Variants in ADGRL4 observed in about 807,000 individuals in gnomAD.
ADGRL4 encodes EGF, latrophilin and seven transmembrane domain containing 1.
In ADGRL4, 90 loss-of-function variants were observed where a neutral mutation model predicts 74.8. That is an observed-to-expected ratio of 1.20 (90% CI 1.02 to 1.43). ADGRL4 has a LOEUF of 1.43. ADGRL4 is among the 40% of genes most tolerant of loss of function. The pLI, the probability that ADGRL4 is intolerant of heterozygous loss-of-function variation, is 0.00. For synonymous variants in ADGRL4, 311 were observed against 279.2 expected, an observed-to-expected ratio of 1.11 and a Z score of -1.14; for missense variants, 881 against 814.3, an observed-to-expected ratio of 1.08 and a Z score of -1.00.
intron 12 of ADGRL4, among the ~76,000 whole-genome samples, chr1:78,913,725 C>T (rs764066226): frequency 1.1e-4 from 17 of 151,698 alleles, no homozygotes; most frequent in East Asian, 1.9e-4. Context: ...ATCCGCATGA[C>T]GCAAGTTTAC....
intron 12 of ADGRL4, among the ~76,000 whole-genome samples, chr1:78,894,158 A>G (rs950881096): frequency 3.9e-5 from 6 of 151,910 alleles, no homozygotes; most frequent in Non-Finnish European, 8.8e-5. Context: ...TCTACTAGTA[A>G]TTCAGAAGCT....
In ADGRL4 at chr1:78,915,462, C is replaced by G. The variant is rs146011095; in HGVS notation, c.1749+2172G>C. Among the ~76,000 whole-genome samples the G allele has an allele frequency of 2.8e-3, 425 of 152,022 alleles. 2 individuals carry two copies. Among genetic ancestry groups the G allele is most frequent in the African/African-American group, 9.7e-3 (402 of 41,518 alleles). ...TCTGCAAACTTTTTTGAGTGTTCCT[C>G]CACATCTTGTCTTCAGGGGATAGGG... On this transcript the variant is annotated intron_variant, in intron 12 of 14. Coordinates refer to ENST00000370742, the MANE Select transcript of ADGRL4 (RefSeq NM_022159.4).
At chr1:78,966,428 C>T (rs1301585141) in intron 2 of ADGRL4, among the ~76,000 whole-genome samples, 2 of 152,148 alleles carry the variant, frequency 1.3e-5, no homozygotes, top group African/African-American at 4.8e-5. Flanking sequence ...GGAGAAAGTC[C>T]TACAACAGCT....
At chr1:78,946,993 T>G (rs1160430907) in intron 2 of ADGRL4, among the ~76,000 whole-genome samples, 1 of 152,186 alleles carries the variant, frequency 6.6e-6, no homozygotes, top group Admixed American at 6.5e-5. Flanking sequence ...GTAAATAATA[T>G]AGTCTTTACC....
At chr1:78,946,129 A>G in intron 3 of ADGRL4, 145 bp downstream of exon 3, 4 of 494,524 alleles carry the variant, frequency 8.1e-6, no homozygotes, top group Non-Finnish European at 6.8e-6. Flanking sequence ...CTGGAGAAAT[A>G]AGGACATTAA....
chr1:78,895,122 CTTATTCCATTAGCTCATATTTTTCCAAA>C (rs1041521155), intron 12 of ADGRL4, among the ~76,000 whole-genome samples: 1 of 151,946 alleles, frequency 6.6e-6, no homozygotes, highest in African/African-American at 2.4e-5. Flanking sequence ...GAGACTAATT[CTTATTCCATTAGCTCATATTTTTCCAAA>C]TTTAAGAGAA....
At chr1:78,933,092 A>G (rs1649280283) in intron 7 of ADGRL4, among the ~76,000 whole-genome samples, 1 of 151,484 alleles carries the variant, frequency 6.6e-6, no homozygotes, top group Non-Finnish European at 1.5e-5. Context: ...GCCAGCCATC[A>G]TCCTGATACC....
intron 2 of ADGRL4, among the ~76,000 whole-genome samples, chr1:78,975,570 C>T (rs1015421056): frequency 1.3e-5 from 2 of 151,886 alleles, no homozygotes; most frequent in African/African-American, 4.8e-5. Flanking sequence ...GCCACTACTG[C>T]AATTTCTTAA....
At chr1:78,968,300 T>C (rs1443799662) in intron 2 of ADGRL4, among the ~76,000 whole-genome samples, 4 of 152,082 alleles carry the variant, frequency 2.6e-5, no homozygotes, top group African/African-American at 9.6e-5. Flanking sequence ...ACAAACCTTC[T>C]TGGAAGGCCA....
At chr1:78,996,038 A>T (rs1009456909) in intron 2 of ADGRL4, among the ~76,000 whole-genome samples, 2 of 152,206 alleles carry the variant, frequency 1.3e-5, no homozygotes, top group Non-Finnish European at 2.9e-5. Flanking sequence ...AAATTATTTT[A>T]TTATTAATAT....
chr1:78,964,207 T>G (rs189638589), intron 2 of ADGRL4, among the ~76,000 whole-genome samples: 1 of 152,196 alleles, frequency 6.6e-6, no homozygotes, highest in African/African-American at 2.4e-5. Flanking sequence ...TGAAAATGAA[T>G]GCTCAATGAA....
chr1:78,946,143 C>A (rs2035724), intron 3 of ADGRL4, 131 bp downstream of exon 3: 63,539 of 526,632 alleles, frequency 0.12, 4,713 homozygotes, highest in East Asian at 0.34. Context: ...ACATTAATTA[C>A]ATTTCTGAAA....
At chr1:79,004,017 A>G (rs1353490968) in intron 2 of ADGRL4, among the ~76,000 whole-genome samples, 1 of 152,048 alleles carries the variant, frequency 6.6e-6, no homozygotes, top group Non-Finnish European at 1.5e-5. Context: ...CAACCTAATT[A>G]TGATGAAGTT....
rs1402409673 is a variant in ADGRL4, at chr1:78,937,695, T to G, written c.760+112A>C. On this transcript the variant is annotated intron_variant, in intron 6 of 14. Coordinates refer to ENST00000370742, the MANE Select transcript of ADGRL4 (RefSeq NM_022159.4). The stretch of plus-strand genomic sequence containing the variant: ...TCATTTGTACACTGATAAAACTACT[T>G]TCAATGTAATCAATACTAGTTTCAA... 6 of 908,768 alleles carry G rather than the reference T, an allele frequency of 6.6e-6. No individual in the cohort carries two copies. In the Admixed American group the frequency reaches 1.2e-4, roughly 18 times the overall value. 56.3% of individuals were successfully genotyped at this position (908,768 alleles called of 1,614,324 possible).
Position 78,946,400 on chromosome 1 carries a change from G to A in ADGRL4, c.199C>T (p.Gln67Ter). ...EDDNECGNLT[Q>*]SCGENANCTN... ...CAATTAGCATTTTCGCCACAGGACT[G>A]AGTTAAATTTCCACATTCATTATCA... Residue 67 changes from glutamine (Q) to a stop codon, truncating the protein, a stop_gained, in exon 3 of 15, where the codon CAG becomes TAG. Transcript: ENST00000370742. LOFTEE classifies it high-confidence loss of function. 6.2e-7 allele frequency: 1 copy of A among 1,610,982 alleles called. No homozygotes were observed.
intron 2 of ADGRL4, among the ~76,000 whole-genome samples, chr1:79,001,349 T>C (rs1474757347): frequency 1.3e-5 from 2 of 151,556 alleles, no homozygotes; most frequent in Admixed American, 6.6e-5. Context: ...AAGAAAAGTT[T>C]CAGATGAACT....
rs867979983 is a variant in ADGRL4, at chr1:78,918,026, G to A, written c.1486C>T (p.Leu496=). The change falls in exon 11 of 15, where the codon CTG becomes TTG. Residue 496 remains leucine (L), a synonymous_variant. Coordinates refer to ENST00000370742, the MANE Select transcript of ADGRL4 (RefSeq NM_022159.4). ...NKLFCSIIAG[L]LHYFFLAAFA... ...GCAGCTAAAAAGAAGTAGTGTAGCA[G>A]TCCGGCAATGATTGAACAGAAGAGC... 6.2e-7 allele frequency: 1 copy of A among 1,610,014 alleles called. No homozygotes were observed. Among genetic ancestry groups the A allele is most frequent in the Non-Finnish European group, 8.5e-7 (1 of 1,177,774 alleles).
chr1:78,898,687 T>C (rs979124091), intron 12 of ADGRL4, among the ~76,000 whole-genome samples: 1 of 152,120 alleles, frequency 6.6e-6, no homozygotes, highest in African/African-American at 2.4e-5. Context: ...CTCAAAGTCA[T>C]GAACACTTAA....
At chr1:78,943,468 T>C (rs1649532639) in intron 3 of ADGRL4, among the ~76,000 whole-genome samples, 1 of 152,220 alleles carries the variant, frequency 6.6e-6, no homozygotes, top group African/African-American at 2.4e-5. Context: ...AAAATGAACT[T>C]ATGTGTCGAA....
Sources: gnomAD v4.1 joint callset for allele counts (sites outside exome capture counted in the v4.1 genomes callset) on GRCh38, gnomAD v4.1.1 for gene constraint, MANE v1.5 for transcripts, NCBI Gene and HGNC (gene_info 2026-07-23, HGNC 2026-07-21) for gene names.